Variants in PXYLP1 observed in about 807,000 individuals in gnomAD.
PXYLP1 encodes acid phosphatase-like 2.
A neutral mutation model predicts 37.9 loss-of-function variants in PXYLP1; 17 were observed. The ratio of observed to expected loss-of-function variants is 0.45; its 90% confidence interval spans 0.31 to 0.67. The LOEUF (loss-of-function observed/expected upper bound fraction) is 0.67, where lower values mean the gene tolerates loss of function less well. Among genes scored for constraint, PXYLP1 ranks in the 30% least tolerant of loss-of-function variants. The probability of loss-of-function intolerance (pLI) is 0.07; values close to 1 mark genes in which losing one functional copy is unlikely to be tolerated. For missense variants in PXYLP1, 511 were observed against 612.0 expected, an observed-to-expected ratio of 0.84 and a Z score of 1.74; for synonymous variants, 221 against 232.2, an observed-to-expected ratio of 0.95 and a Z score of 0.44.
chr3:141,243,670 G>A (rs116357375), intron 1 of PXYLP1, among the ~76,000 whole-genome samples: 1 of 152,188 alleles, frequency 6.6e-6, no homozygotes, highest in Admixed American at 6.5e-5. Context: ...CTGTCTGTAC[G>A]GTGCATTTCC....
rs953256186 is a variant in PXYLP1 at position 141,293,526 on chromosome 3, A to G, written c.*321A>G. 9 of 260,502 alleles carry G rather than the reference A, an allele frequency of 3.5e-5. No homozygotes were observed. The highest frequency in any genetic ancestry group is 1.8e-4 in the African/African-American group (8 of 45,216). The allele number at this position is 260,502 out of a possible 1,614,324, so 16.1% of individuals were successfully genotyped here. A position where few individuals can be genotyped will look rare whatever the true frequency, so the allele number is the denominator to read the frequency against. ...AGTTTGCACTCTTCTGGCCTGCCCC[A>G]TGTTACTATGTGATGGAACCAGCAC... is the stretch of plus-strand genomic sequence containing the variant. On this transcript the variant is annotated 3_prime_UTR_variant, in exon 6 of 6. Coordinates refer to ENST00000286353, the MANE Select transcript of PXYLP1 (RefSeq NM_001037172.3).
chr3:141,244,742 T>A (rs565369683), intron 1 of PXYLP1, among the ~76,000 whole-genome samples: 1 of 151,954 alleles, frequency 6.6e-6, no homozygotes, highest in East Asian at 1.9e-4. Context: ...TCCAACTGTT[T>A]CCCTATGGAT....
At chr3:141,241,541 G>A (rs1940802039) in intron 1 of PXYLP1, among the ~76,000 whole-genome samples, 1 of 152,216 alleles carries the variant, frequency 6.6e-6, no homozygotes, top group South Asian at 2.1e-4. Context: ...CTTAAGCTGA[G>A]TTTAAGGATA....
intron 2 of PXYLP1, among the ~76,000 whole-genome samples, chr3:141,266,748 C>T (rs1490829990): frequency 1.3e-5 from 2 of 149,178 alleles, no homozygotes; most frequent in African/African-American, 5.0e-5. Context: ...CATGTGTTTT[C>T]GATAGTTTCC....
chr3:141,264,069 A>G (rs1363047521), intron 2 of PXYLP1, among the ~76,000 whole-genome samples: 2 of 152,224 alleles, frequency 1.3e-5, no homozygotes, highest in Non-Finnish European at 2.9e-5. Flanking sequence ...TATACTGAGC[A>G]CATGGCACCC....
chr3:141,251,379 G>C (rs1352083034), intron 1 of PXYLP1, among the ~76,000 whole-genome samples: 1 of 152,186 alleles, frequency 6.6e-6, no homozygotes, highest in Admixed American at 6.5e-5. Flanking sequence ...GGATGGTCTG[G>C]GGCAGGCAGC....
At chr3:141,247,558 G>T (rs1418240908) in intron 1 of PXYLP1, among the ~76,000 whole-genome samples, 1 of 152,130 alleles carries the variant, frequency 6.6e-6, no homozygotes, top group Admixed American at 6.5e-5. Flanking sequence ...GCAATCTGTG[G>T]TTCATTATCA....
rs375206406 is a variant in PXYLP1, at chr3:141,276,782, C to T, written c.80-1560C>T. On this transcript the variant is annotated intron_variant, in intron 2 of 5. Transcript: ENST00000286353. ...CCACCCTCCCCATGATGTTTGGAAG[C>T]GTCAGGTTTCTCACACCCTTCCCAA... is the stretch of plus-strand genomic sequence containing the variant. Among the ~76,000 whole-genome samples, 81 of 152,248 alleles carry T rather than the reference C, an allele frequency of 5.3e-4. 1 individual carries two copies. In the South Asian group the frequency reaches 0.014, roughly 25 times the overall value.
Position 141,293,152 on chromosome 3 carries a change from C to G in PXYLP1, c.1390C>G (p.Leu464Val), listed in dbSNP as rs1307036668. 6.2e-7 allele frequency: 1 copy of G among 1,614,056 alleles called. No homozygotes were observed. Residue 464 changes from leucine (L) to valine (V), a missense_variant, in exon 6 of 6, where the codon CTG (leucine) becomes GTG (valine). By Grantham distance (32) the Leu-to-Val change is conservative. Coordinates refer to ENST00000286353, the MANE Select transcript of PXYLP1 (RefSeq NM_001037172.3). ...RFVKRDMFVA[L>V]GGSGTNYYDA... ...TGTGAAAAGGGACATGTTTGTAGCC[C>G]TGGGTGGCAGTGGTACAAATTATTA...
At chr3:141,238,510 C>T (rs1940712452) in intron 1 of PXYLP1, among the ~76,000 whole-genome samples, 1 of 152,174 alleles carries the variant, frequency 6.6e-6, no homozygotes, top group Non-Finnish European at 1.5e-5. Flanking sequence ...TACTTCATAC[C>T]GATAAGTCAG....
Position 141,294,508 on chromosome 3 carries a change from A to G in PXYLP1, c.*1303A>G, listed in dbSNP as rs1180002009. On this transcript the variant is annotated 3_prime_UTR_variant, in exon 6 of 6. Coordinates refer to ENST00000286353, the MANE Select transcript of PXYLP1 (RefSeq NM_001037172.3). ...TGTGATTTCTGAACTAATGGTGCTA[A>G]TTCAGAGAAATGGAAAGTGAAAGTG... The G allele has an allele frequency of 1.3e-5, 2 of 152,240 alleles. No homozygotes were observed. The highest frequency in any genetic ancestry group is 2.9e-5 in the Non-Finnish European group (2 of 68,036). 9.4% of individuals were successfully genotyped at this position (152,240 alleles called of 1,614,324 possible).
chr3:141,280,187 A>G (rs902474367), intron 4 of PXYLP1, among the ~76,000 whole-genome samples: 5 of 152,268 alleles, frequency 3.3e-5, no homozygotes, highest in African/African-American at 1.2e-4. Context: ...ACATTCTAGC[A>G]GAGTTTAGTG....
At chr3:141,285,524 C>CA (rs371946030) in intron 4 of PXYLP1, among the ~76,000 whole-genome samples, 1,916 of 149,964 alleles carry the variant, frequency 0.013, 36 homozygotes, top group African/African-American at 0.035. Flanking sequence ...ACAACAACAA[C>CA]AAAAAAAAAC....
At chr3:141,291,279 C>T (rs545715135) in intron 5 of PXYLP1, among the ~76,000 whole-genome samples, 1 of 152,204 alleles carries the variant, frequency 6.6e-6, no homozygotes, top group Non-Finnish European at 1.5e-5. Flanking sequence ...CCCGTTACCT[C>T]CTACTACAGG....
chr3:141,252,682 C>G (rs1297608381), intron 1 of PXYLP1, among the ~76,000 whole-genome samples: 1 of 152,180 alleles, frequency 6.6e-6, no homozygotes, highest in Admixed American at 6.5e-5. Flanking sequence ...GACACATATC[C>G]AAACCATAGC....
chr3:141,279,682 A>G (rs958950763), intron 4 of PXYLP1, among the ~76,000 whole-genome samples, 178 bp downstream of exon 4: 1 of 152,198 alleles, frequency 6.6e-6, no homozygotes, highest in East Asian at 1.9e-4. Flanking sequence ...AGGCGGGGAC[A>G]CCTGTTTGAA....
At chr3:141,249,692 C>T (rs1941097941) in intron 1 of PXYLP1, among the ~76,000 whole-genome samples, 1 of 152,170 alleles carries the variant, frequency 6.6e-6, no homozygotes, top group Admixed American at 6.5e-5. Context: ...ATGCCAACTG[C>T]ATGTTCTCCT....
At chr3:141,281,356 G>C (rs1445484151) in intron 4 of PXYLP1, among the ~76,000 whole-genome samples, 1 of 152,180 alleles carries the variant, frequency 6.6e-6, no homozygotes, top group Non-Finnish European at 1.5e-5. Context: ...TAAGACCAGG[G>C]TATGGCTGGG....
intron 1 of PXYLP1, among the ~76,000 whole-genome samples, chr3:141,256,934 A>G (rs1219256342): frequency 6.6e-6 from 1 of 152,238 alleles, no homozygotes; most frequent in East Asian, 1.9e-4. Flanking sequence ...AAAGTCACAG[A>G]TTGGTAGAGA....
Sources: gnomAD v4.1 joint callset for allele counts (sites outside exome capture counted in the v4.1 genomes callset) on GRCh38, gnomAD v4.1.1 for gene constraint, MANE v1.5 for transcripts, NCBI Gene and HGNC (gene_info 2026-07-23, HGNC 2026-07-21) for gene names.